The following TCERG1L variants were observed in gnomAD, a reference collection of about 807,000 sequenced individuals.
TCERG1L encodes the protein transcription elongation regulator 1-like protein.
Under a neutral mutation model 56.3 loss-of-function variants are expected in TCERG1L, and 37 were observed. The ratio of observed to expected loss-of-function variants is 0.66; its 90% CI spans 0.51 to 0.87. TCERG1L has a LOEUF of 0.87. TCERG1L is among the 40% of genes least tolerant of loss of function. The probability of loss-of-function intolerance (pLI) is 0.00; values close to 1 mark genes in which losing one functional copy is unlikely to be tolerated. For missense variants in TCERG1L, 799 were observed against 774.2 expected (o/e 1.03, Z -0.38); for synonymous variants, 324 against 326.3 (o/e 0.99, Z 0.08).
rs766040739 is a variant in TCERG1L at position 131,166,841 on chromosome 10, T to A, written c.901A>T (p.Met301Leu). The change falls in exon 5 of 12, where the codon ATG (methionine) becomes TTG (leucine). Residue 301 changes from methionine (M) to leucine (L), a missense_variant. Met to Leu is a conservative substitution (Grantham distance 15). Coordinates refer to ENST00000368642, the MANE Select transcript of TCERG1L (RefSeq NM_174937.4). The part of the protein sequence containing the change: ...RGRVARPPAL[M>L]LRAQKSRDGD... The stretch of plus-strand genomic sequence containing the variant: ...TCCCGGCTCTTCTGGGCCCGCAGCA[T>A]CAGGGCAGGAGGGCGGGCCACTCGG... 3.7e-6 allele frequency: 6 copies of A among 1,613,660 alleles called. No homozygotes were observed. The highest frequency in any genetic ancestry group is 5.1e-6 in the Non-Finnish European group (6 of 1,179,900).
At chr10:131,272,388 C>T (rs2133554367) in intron 3 of TCERG1L, among the ~76,000 whole-genome samples, 1 of 152,346 alleles carries the variant, frequency 6.6e-6, no homozygotes, top group South Asian at 2.1e-4. Flanking sequence ...TTCTGAAAGG[C>T]ATCCAATGCC....
chr10:131,238,111 C>A (rs1057301406), intron 4 of TCERG1L, among the ~76,000 whole-genome samples: 1 of 152,180 alleles, frequency 6.6e-6, no homozygotes, highest in South Asian at 2.1e-4. Flanking sequence ...CACAGCCTGG[C>A]CTCTCCACCT....
chr10:131,279,151 T>G (rs1161622896), intron 3 of TCERG1L, among the ~76,000 whole-genome samples: 1 of 152,078 alleles, frequency 6.6e-6, no homozygotes, highest in Non-Finnish European at 1.5e-5. Flanking sequence ...CTAGATTAGA[T>G]GAGATGACCA....
intron 4 of TCERG1L, among the ~76,000 whole-genome samples, chr10:131,235,270 C>T (rs1845901521): frequency 6.6e-6 from 1 of 152,188 alleles, no homozygotes; most frequent in South Asian, 2.1e-4. Flanking sequence ...GAATGAAAGA[C>T]TTATATTTCA....
intron 6 of TCERG1L, among the ~76,000 whole-genome samples, chr10:131,158,143 C>T (rs1288299118): frequency 1.3e-5 from 2 of 152,264 alleles, no homozygotes; most frequent in East Asian, 3.8e-4. Context: ...CCGTCCGCTG[C>T]CGGCATTCCG....
At chr10:131,128,161 G>T (rs1241045138) in intron 8 of TCERG1L, among the ~76,000 whole-genome samples, 2 of 152,176 alleles carry the variant, frequency 1.3e-5, no homozygotes, top group Non-Finnish European at 2.9e-5. Context: ...AAGTGGAAAT[G>T]AAGAATAAAC....
chr10:131,141,417 C>A (rs189199032), intron 7 of TCERG1L, among the ~76,000 whole-genome samples: 1 of 151,798 alleles, frequency 6.6e-6, no homozygotes, highest in African/African-American at 2.4e-5. Flanking sequence ...GGCTGCTGCG[C>A]GGGGTCACCC....
intron 4 of TCERG1L, among the ~76,000 whole-genome samples, chr10:131,229,942 T>C (rs976209400): frequency 1.3e-5 from 2 of 152,198 alleles, no homozygotes; most frequent in African/African-American, 4.8e-5. Flanking sequence ...CTCCCTTGTG[T>C]GGCATTGTAC....
At chr10:131,207,537 G>A (rs1270942823) in intron 4 of TCERG1L, among the ~76,000 whole-genome samples, 5 of 152,200 alleles carry the variant, frequency 3.3e-5, no homozygotes. Flanking sequence ...CTACCATTTT[G>A]TTCTCCCCTG....
intron 4 of TCERG1L, among the ~76,000 whole-genome samples, chr10:131,254,617 T>C (rs1045408418): frequency 9.9e-5 from 15 of 152,140 alleles, no homozygotes; most frequent in African/African-American, 3.6e-4. Context: ...GATCTTGGTT[T>C]GGACCAGGAA....
chr10:131,239,115 G>C (rs1176166389), intron 4 of TCERG1L, among the ~76,000 whole-genome samples: 3 of 152,230 alleles, frequency 2.0e-5, no homozygotes, highest in Non-Finnish European at 4.4e-5. Flanking sequence ...CCAGCCAGCT[G>C]GGTGTAAGGA....
At chr10:131,294,904 AATGTATACACTT>A (rs1393071186) in intron 3 of TCERG1L, among the ~76,000 whole-genome samples, 1 of 152,012 alleles carries the variant, frequency 6.6e-6, no homozygotes, top group African/African-American at 2.4e-5. Flanking sequence ...GCTTTTAATA[AATGTATACACTT>A]ATGAAACCAC....
At chr10:131,153,412 C>T in intron 6 of TCERG1L, among the ~76,000 whole-genome samples, 1 of 152,198 alleles carries the variant, frequency 6.6e-6, no homozygotes, top group Non-Finnish European at 1.5e-5. Flanking sequence ...TGCTCATTCC[C>T]TAGAGAATCA....
At position 131,298,351 on chromosome 10, in the gene TCERG1L, G is replaced by A. The variant is rs897005923; in HGVS notation, c.670+9860C>T. Among the ~76,000 whole-genome samples, 14 of 152,072 alleles carry A rather than the reference G, an allele frequency of 9.2e-5. No homozygotes were observed. In the East Asian group the frequency reaches 2.1e-3, roughly 23 times the overall value. ...TCTGTTCTATTTTCAAACATTTGGA[G>A]GTTTTCCGGATATCCTTGTTACTGA... On this transcript the variant is annotated intron_variant, in intron 3 of 11. Transcript: ENST00000368642.
rs145730053 is a variant in TCERG1L, at chr10:131,260,639, G to A, written c.671-195C>T. Reference sequence around the variant, plus strand: ...CTGATGAGTTCTCCATCAGTCAAACGCTGCCATGCAACCAGTGCACACACA... The same window carrying A: ...CTGATGAGTTCTCCATCAGTCAAACACTGCCATGCAACCAGTGCACACACA... On this transcript the variant is annotated intron_variant, in intron 3 of 11. Coordinates refer to ENST00000368642, the MANE Select transcript of TCERG1L (RefSeq NM_174937.4). This position sits in a 1 kb window ranked among gnomAD's most constrained non-coding sequence, Gnocchi z 5.8. Among the ~76,000 whole-genome samples the A allele has an allele frequency of 2.6e-5, 4 of 152,212 alleles. No individual in the cohort carries two copies. In the East Asian group the frequency reaches 7.8e-4, roughly 30 times the overall value.
At chr10:131,107,503 C>T (rs371021829) in intron 9 of TCERG1L, among the ~76,000 whole-genome samples, 41 of 152,004 alleles carry the variant, frequency 2.7e-4, no homozygotes, top group Admixed American at 2.5e-3. Flanking sequence ...GGCTGGGACC[C>T]GGGATGGAGG....
At chr10:131,265,911 T>C (rs763981251) in intron 3 of TCERG1L, among the ~76,000 whole-genome samples, 1 of 152,234 alleles carries the variant, frequency 6.6e-6, no homozygotes, top group Non-Finnish European at 1.5e-5. Flanking sequence ...GCTTGCTACA[T>C]TGATGGACTC....
intron 6 of TCERG1L, among the ~76,000 whole-genome samples, chr10:131,160,198 A>T (rs1845962626): frequency 6.6e-6 from 1 of 152,148 alleles, no homozygotes. Context: ...GGAGGCGCCC[A>T]CCTGGGGCTC....
intron 6 of TCERG1L, 74 bp from the exon 7 acceptor site, chr10:131,146,734 A>G: frequency 6.9e-7 from 1 of 1,446,592 alleles, no homozygotes; most frequent in Middle Eastern, 1.9e-4. Flanking sequence ...ATGAACTCTC[A>G]CTGAAAAAGC....
Sources: gnomAD v4.1 joint callset for allele counts (sites outside exome capture counted in the v4.1 genomes callset) on GRCh38, gnomAD v4.1.1 for gene constraint, Gnocchi (gnomAD v3.1) non-coding constraint, MANE v1.5 for transcripts, NCBI Gene and HGNC (gene_info 2026-07-23, HGNC 2026-07-21) for gene names.